NKIRAS1: variants seen among roughly 807,000 people sequenced by gnomAD.
The protein encoded by NKIRAS1 is NFKB inhibitor interacting Ras like 1, also known as NF-kappa-B inhibitor-interacting Ras-like protein 1.
A neutral mutation model predicts 19.8 loss-of-function variants in NKIRAS1; 16 were observed. The ratio of observed to expected loss-of-function variants is 0.81; its 90% CI spans 0.55 to 1.23. The LOEUF (loss-of-function observed/expected upper bound fraction) is 1.23, where lower values mean the gene tolerates loss of function less well. Among genes scored for constraint, NKIRAS1 ranks in the 50% most tolerant of loss-of-function variants. The pLI, the probability that NKIRAS1 is intolerant of heterozygous loss-of-function variation, is 0.00. For synonymous variants in NKIRAS1, 88 were observed against 79.0 expected, an observed-to-expected ratio of 1.11 and a Z score of -0.61; for missense variants, 184 against 220.0, an observed-to-expected ratio of 0.84 and a Z score of 1.04.
chr3:23,907,434 G>A (rs1703186004), intron 3 of NKIRAS1, among the ~76,000 whole-genome samples: 1 of 152,194 alleles, frequency 6.6e-6, no homozygotes, highest in Non-Finnish European at 1.5e-5. Flanking sequence ...AGGGTCAATT[G>A]TACTGTATTT....
At chr3:23,933,890 C>T (rs9863674) in intron 1 of NKIRAS1, among the ~76,000 whole-genome samples, 27,735 of 152,096 alleles carry the variant, frequency 0.18, 2,589 homozygotes, top group Non-Finnish European at 0.21. Flanking sequence ...TCCAAGATGG[C>T]GCCTTGGCTG....
At chr3:23,919,178 C>A (rs775525444), upstream of NKIRAS1, 2 of 1,580,246 alleles carry the variant, frequency 1.3e-6, no homozygotes, top group Non-Finnish European at 1.7e-6. Context: ...TGACCTTGGG[C>A]CTTTTTTCCT....
At chr3:23,919,108 T>C, upstream of NKIRAS1, 1 of 856,682 alleles carries the variant, frequency 1.2e-6, no homozygotes, top group East Asian at 2.4e-5. Context: ...TGTCTGGTGG[T>C]GAACTAGAGT....
intron 1 of NKIRAS1, among the ~76,000 whole-genome samples, chr3:23,937,882 A>G (rs780938394): frequency 6.6e-6 from 1 of 152,134 alleles, no homozygotes; most frequent in African/African-American, 2.4e-5. Flanking sequence ...GACTGCATTC[A>G]TTACATGTAG....
At chr3:23,921,561 G>C, upstream of NKIRAS1, 1 of 627,984 alleles carries the variant, frequency 1.6e-6, no homozygotes. Flanking sequence ...CAGCAACATT[G>C]ATTATTGAGT....
chr3:23,910,575 C>T (rs1703599227), intron 3 of NKIRAS1, among the ~76,000 whole-genome samples: 1 of 152,166 alleles, frequency 6.6e-6, no homozygotes, highest in Non-Finnish European at 1.5e-5. Flanking sequence ...CCATATTGAT[C>T]TATCTATATT....
chr3:23,901,884 CCAA>C (rs2125382631), intron 3 of NKIRAS1, among the ~76,000 whole-genome samples: 1 of 152,204 alleles, frequency 6.6e-6, no homozygotes, highest in South Asian at 2.1e-4. Context: ...AACAGCCTGG[CCAA>C]CATGGCCAAA....
Position 23,910,876 on chromosome 3 carries a change from C to T in NKIRAS1, c.29G>A (p.Cys10Tyr), listed in dbSNP as rs1210559197. 1.2e-6 allele frequency: 2 copies of T among 1,614,182 alleles called. No homozygotes were observed. The highest frequency in any genetic ancestry group is 1.7e-5 in the Admixed American group (1 of 60,030). MGKGCKVVV[C>Y]GLLSVGKTAI... ...AGTTTTCCCCACAGATAACAATCCA[C>T]AAACCACAACCTTGCAGCCCTTTCC... is the stretch of plus-strand genomic sequence containing the variant. Residue 10 changes from cysteine to tyrosine, a missense_variant, in exon 3 of 5, where the codon TGT (cysteine) becomes TAT (tyrosine). Cys to Tyr is a radical substitution (Grantham distance 194). Transcript: ENST00000425478.
rs1272889110 is a variant in NKIRAS1, at chr3:23,892,822, GTT to G, written c.*271_*272del. 2 of 240,120 alleles carry G rather than the reference GTT, an allele frequency of 8.3e-6. No homozygotes were observed. Among genetic ancestry groups the G allele is most frequent in the African/African-American group, 4.5e-5 (2 of 44,736 alleles). The allele number at this position is 240,120 out of a possible 1,614,324, so 14.9% of individuals were successfully genotyped here. On this transcript the variant is annotated 3_prime_UTR_variant, in exon 5 of 5. Transcript: ENST00000425478. ...GCATAACTATCCAAACTATTTTACT[GTT>G]TTCACAAGTACAACATAAATAACAA...
chr3:23,898,237 ATAAAG>A (rs1314259594), intron 4 of NKIRAS1, among the ~76,000 whole-genome samples: 3 of 152,186 alleles, frequency 2.0e-5, no homozygotes, highest in Non-Finnish European at 4.4e-5. Flanking sequence ...TTATCTATTC[ATAAAG>A]TAAATTAGTA....
intron 3 of NKIRAS1, among the ~76,000 whole-genome samples, chr3:23,909,723 ATAAT>A (rs1703455214): frequency 6.6e-6 from 1 of 152,204 alleles, no homozygotes; most frequent in South Asian, 2.1e-4. Flanking sequence ...CAATTAATAA[ATAAT>A]TATTTGACTC....
chr3:23,893,164 T>C lies in NKIRAS1; in HGVS notation c.510A>G (p.Gln170=), dbSNP rs1701600710. Residue 170 remains glutamine (Q), a synonymous_variant, in exon 5 of 5, where the codon CAA becomes CAG. Coordinates refer to ENST00000425478, the MANE Select transcript of NKIRAS1 (RefSeq NM_020345.4). ...PFTLLASKLS[Q]PQSKSSFPLP... ...AAGGAAAGCTTGATTTGCTCTGGGG[T>C]TGAGAAAGTTTACTGGCTAATAAAG... The C allele has an allele frequency of 1.9e-6, 3 of 1,611,680 alleles. No individual in the cohort carries two copies. The highest frequency in any genetic ancestry group is 2.2e-5 in the East Asian group (1 of 44,836).
Position 23,926,249 on chromosome 3 carries a change from G to A in NKIRAS1, c.-139-14799C>T, listed in dbSNP as rs1012611363. On this transcript the variant is annotated intron_variant, in intron 1 of 4. Coordinates refer to the NKIRAS1 transcript ENST00000421515. The surrounding 1 kb of genome is among the most constrained non-coding windows in gnomAD (Gnocchi z 4.3). ...GTGTTTTTAGTAGAGACAGGGTTTC[G>A]CCGTGTTGGCCAGGCTGGTCTCAAA... 6.6e-5 allele frequency among the ~76,000 whole-genome samples: 10 copies of A among 151,944 alleles called. No homozygotes were observed. Among genetic ancestry groups the A allele is most frequent in the African/African-American group, 9.7e-5 (4 of 41,378 alleles).
chr3:23,939,060 TAGATAACA>T (rs1243799935), intron 1 of NKIRAS1, among the ~76,000 whole-genome samples: 2 of 152,228 alleles, frequency 1.3e-5, no homozygotes, highest in Non-Finnish European at 2.9e-5. Context: ...GGCTTCATCA[TAGATAACA>T]AAATAATGCT....
chr3:23,899,345 ACTT>A (rs202146537), intron 4 of NKIRAS1, among the ~76,000 whole-genome samples: 2,457 of 152,336 alleles, frequency 0.016, 35 homozygotes, highest in African/African-American at 0.035. Flanking sequence ...TCTCTCTGTT[ACTT>A]CTTAAAACTG....
chr3:23,895,158 C>T (rs62255317), intron 4 of NKIRAS1, among the ~76,000 whole-genome samples: 3 of 151,946 alleles, frequency 2.0e-5, no homozygotes, highest in Non-Finnish European at 4.4e-5. Context: ...GATCGTGATC[C>T]TCCTCCTCAG....
At chr3:23,895,416 A>G (rs1701882352) in intron 4 of NKIRAS1, among the ~76,000 whole-genome samples, 1 of 152,082 alleles carries the variant, frequency 6.6e-6, no homozygotes, top group Non-Finnish European at 1.5e-5. Flanking sequence ...AAGAATTCCA[A>G]ACACCACAAG....
rs2125263911 is a variant in NKIRAS1 at position 23,926,266 on chromosome 3, G to T, written c.-139-14816C>A. 6.6e-6 allele frequency among the ~76,000 whole-genome samples: 1 copy of T among 152,254 alleles called. No homozygotes were observed. The highest frequency in any genetic ancestry group is 2.1e-4 in the South Asian group (1 of 4,822). ...AGGGTTTCGCCGTGTTGGCCAGGCT[G>T]GTCTCAAACGCCTGACCTTAGGTGA... On this transcript the variant is annotated intron_variant, in intron 1 of 4. Transcript: ENST00000421515. The surrounding 1 kb of genome is among the most constrained non-coding windows in gnomAD (Gnocchi z 4.3).
intron 3 of NKIRAS1, 78 bp downstream of exon 3, chr3:23,910,733 C>T: frequency 4.0e-6 from 4 of 1,005,534 alleles, no homozygotes; most frequent in Non-Finnish European, 4.7e-6. Context: ...CATCAACCAC[C>T]TTTAGTTTAG....
Sources: allele counts gnomAD v4.1 joint callset (sites outside exome capture counted in the v4.1 genomes callset), GRCh38; gene constraint gnomAD v4.1.1; non-coding constraint Gnocchi (gnomAD v3.1); transcripts MANE v1.5; gene names NCBI Gene and HGNC (gene_info 2026-07-23, HGNC 2026-07-21).